The following KCNAB1 variants were observed in gnomAD, a reference collection of about 807,000 sequenced individuals.
KCNAB1 encodes potassium voltage-gated channel subfamily A regulatory beta subunit 1, also known as voltage-gated potassium channel subunit beta-1.
KCNAB1 carries 35 observed loss-of-function variants against 64.6 expected under a neutral mutation model. The ratio of observed to expected loss-of-function variants is 0.54; its 90% CI spans 0.41 to 0.72. The LOEUF is 0.72. KCNAB1 is among the 30% of genes least tolerant of loss of function. KCNAB1 has a pLI of 0.00. For missense variants in KCNAB1, 401 were observed against 512.9 expected (o/e 0.78, Z 2.11); for synonymous variants, 177 against 183.8 (o/e 0.96, Z 0.30).
At chr3:156,306,377 C>T (rs2031940615) in intron 1 of KCNAB1, among the ~76,000 whole-genome samples, 1 of 152,140 alleles carries the variant, frequency 6.6e-6, no homozygotes, top group African/African-American at 2.4e-5. Context: ...AGAGCTACAA[C>T]CTTTTCTTCG....
intron 1 of KCNAB1, among the ~76,000 whole-genome samples, chr3:156,262,365 C>T (rs1435025103): frequency 6.6e-6 from 1 of 151,590 alleles, no homozygotes; most frequent in Non-Finnish European, 1.5e-5. Flanking sequence ...AGGAAGTTCT[C>T]CTCTAGTTTT....
intron 1 of KCNAB1, among the ~76,000 whole-genome samples, chr3:156,274,971 G>A (rs1161983947): frequency 1.3e-5 from 2 of 152,248 alleles, no homozygotes; most frequent in Admixed American, 6.5e-5. Flanking sequence ...CCAGAACTTA[G>A]CGATCTTGCG....
chr3:156,533,787 T>G (rs569879644), intron 13 of KCNAB1, among the ~76,000 whole-genome samples: 1 of 152,160 alleles, frequency 6.6e-6, no homozygotes, highest in South Asian at 2.1e-4. Context: ...TTGAGGATTT[T>G]TATCATGCTA....
intron 1 of KCNAB1, among the ~76,000 whole-genome samples, chr3:156,385,518 A>G (rs1712522276): frequency 6.6e-6 from 1 of 152,168 alleles, no homozygotes; most frequent in Non-Finnish European, 1.5e-5. Flanking sequence ...ATGCTTTTCA[A>G]AAAAGCATAT....
rs768465315 is a variant in KCNAB1, at chr3:156,143,561, G to A, written c.275+22675G>A. The A allele has an allele frequency of 1.1e-3, 407 of 386,996 alleles. 4 individuals are homozygous for A. Among genetic ancestry groups the A allele is most frequent in the Non-Finnish European group, 1.4e-3 (341 of 236,570 alleles). The allele number at this position is 386,996 out of a possible 1,614,324, so 24.0% of individuals were successfully genotyped here. On this transcript the variant is annotated intron_variant, in intron 1 of 13. Coordinates refer to ENST00000490337, the MANE Select transcript of KCNAB1 (RefSeq NM_172160.3). ...ATGCAGTGAGCCCTCTTCTTGGGTT[G>A]CATTCTTGTTTTTTTTTTTTTTTTT...
At chr3:156,504,742 G>GTTTTTTTT (rs796618812) in intron 8 of KCNAB1, among the ~76,000 whole-genome samples, 1 of 81,288 alleles carries the variant, frequency 1.2e-5, no homozygotes, top group African/African-American at 3.4e-5. Flanking sequence ...TTTTGTTTTT[G>GTTTTTTTT]TTTTTTTTGT....
Position 156,358,819 on chromosome 3 carries a change from G to T in KCNAB1, c.276-62797G>T, listed in dbSNP as rs185199381. On this transcript the variant is annotated intron_variant, in intron 1 of 13. Transcript: ENST00000490337. ...GTTTTGATGAAGGTTAAGTAAGTTGGTATTTAAAACATCTAGAAGCATGTC... is the reference window on the plus strand; with the variant it reads ...GTTTTGATGAAGGTTAAGTAAGTTGTTATTTAAAACATCTAGAAGCATGTC... Among the ~76,000 whole-genome samples the T allele has an allele frequency of 6.0e-3, 915 of 152,142 alleles. 10 individuals carry two copies. The highest frequency in any genetic ancestry group is 0.02 in the African/African-American group (827 of 41,496).
chr3:156,205,158 G>A (rs182636655), intron 1 of KCNAB1, among the ~76,000 whole-genome samples: 45 of 152,146 alleles, frequency 3.0e-4, no homozygotes, highest in Non-Finnish European at 4.4e-5. Context: ...ACATTTTCAC[G>A]GAGAAGGCAA....
At chr3:156,347,996 G>A (rs772604658) in intron 1 of KCNAB1, among the ~76,000 whole-genome samples, 2 of 152,172 alleles carry the variant, frequency 1.3e-5, no homozygotes, top group African/African-American at 2.4e-5. Flanking sequence ...ACACACTAGG[G>A]AGATAGGGAG....
chr3:156,347,778 T>C (rs1014295106), intron 1 of KCNAB1, among the ~76,000 whole-genome samples: 1 of 152,210 alleles, frequency 6.6e-6, no homozygotes, highest in African/African-American at 2.4e-5. Flanking sequence ...TTTCTTAAAA[T>C]CCACTCATCT....
intron 1 of KCNAB1, among the ~76,000 whole-genome samples, chr3:156,207,365 G>C (rs1305223534): frequency 6.6e-6 from 1 of 152,142 alleles, no homozygotes; most frequent in Non-Finnish European, 1.5e-5. Flanking sequence ...TTGATAATGG[G>C]CTCTAGGCAG....
At chr3:156,328,150 A>G (rs1378957932) in intron 1 of KCNAB1, among the ~76,000 whole-genome samples, 2 of 152,180 alleles carry the variant, frequency 1.3e-5, no homozygotes, top group African/African-American at 4.8e-5. Context: ...TGCTTGGCCT[A>G]TCAGGGAGCT....
At chr3:156,509,689 C>T (rs1369043156) in intron 8 of KCNAB1, among the ~76,000 whole-genome samples, 1 of 152,190 alleles carries the variant, frequency 6.6e-6, no homozygotes, top group Non-Finnish European at 1.5e-5. Context: ...AGGAGAGTCA[C>T]ATTCAGTACT....
At chr3:156,190,973 G>A (rs1028868773) in intron 1 of KCNAB1, among the ~76,000 whole-genome samples, 3 of 152,178 alleles carry the variant, frequency 2.0e-5, no homozygotes, top group South Asian at 2.1e-4. Flanking sequence ...GATTACAGGC[G>A]TGAACTACTG....
At chr3:156,443,532 A>T (rs377738494) in intron 2 of KCNAB1, among the ~76,000 whole-genome samples, 3 of 152,148 alleles carry the variant, frequency 2.0e-5, no homozygotes, top group African/African-American at 7.2e-5. Context: ...AGGAAAATAG[A>T]TGGAATCTTT....
chr3:156,142,916 A>C, intron 1 of KCNAB1: 4 of 969,350 alleles, frequency 4.1e-6, no homozygotes, highest in African/African-American at 1.7e-5. Context: ...GACTCTGAGT[A>C]CTTTAAAGGG....
intron 1 of KCNAB1, among the ~76,000 whole-genome samples, chr3:156,192,122 CT>C (rs550523456): frequency 6.6e-6 from 1 of 152,102 alleles, no homozygotes; most frequent in Non-Finnish European, 1.5e-5. Flanking sequence ...CATGTATACT[CT>C]TTTTTTGGTC....
At chr3:156,245,482 A>C (rs78525607) in intron 1 of KCNAB1, among the ~76,000 whole-genome samples, 1 of 152,216 alleles carries the variant, frequency 6.6e-6, no homozygotes, top group African/African-American at 2.4e-5. Context: ...CCAGTTTTAC[A>C]TGCACTCATT....
At chr3:156,228,489 C>G (rs1363312689) in intron 1 of KCNAB1, among the ~76,000 whole-genome samples, 2 of 152,154 alleles carry the variant, frequency 1.3e-5, no homozygotes, top group Non-Finnish European at 2.9e-5. Flanking sequence ...CCTGGTCAGC[C>G]TTCACACAGC....
Sources: allele counts gnomAD v4.1 joint callset (sites outside exome capture counted in the v4.1 genomes callset), GRCh38; gene constraint gnomAD v4.1.1; transcripts MANE v1.5; gene names NCBI Gene and HGNC (gene_info 2026-07-23, HGNC 2026-07-21).